Variants in CCDC141 observed in about 807,000 individuals in gnomAD.
CCDC141 encodes the protein coiled-coil domain-containing protein 141.
A neutral mutation model predicts 181.0 loss-of-function variants in CCDC141; 168 were observed. The observed-to-expected ratio is 0.93, with a 90% confidence interval of 0.82 to 1.05. The LOEUF (loss-of-function observed/expected upper bound fraction) is 1.05, where lower values mean the gene tolerates loss of function less well. Ranked by LOEUF, CCDC141 falls within the 50% of genes least tolerant of loss-of-function variation. CCDC141 has a pLI of 0.00. For missense variants in CCDC141, 1,902 were observed against 1,788.5 expected (o/e 1.06, Z -1.14); for synonymous variants, 666 against 642.3 (o/e 1.04, Z -0.56).
Position 178,829,775 on chromosome 2 carries a change from T to C in CCDC141, c.*4398A>G, listed in dbSNP as rs1321825760. On this transcript the variant is annotated 3_prime_UTR_variant, in exon 24 of 24. Coordinates refer to ENST00000443758, the MANE Select transcript of CCDC141 (RefSeq NM_173648.4). ...CAGAGCATACTGGAAGGAGATATTT[T>C]ATTTTGTTTCAACTAACTTATTTCA... The C allele has an allele frequency of 6.6e-6, 1 of 152,272 alleles. No homozygotes were observed. Among genetic ancestry groups the C allele is most frequent in the African/African-American group, 2.4e-5 (1 of 41,474 alleles). The allele number at this position is 152,272 out of a possible 1,614,324, so 9.4% of individuals were successfully genotyped here.
chr2:178,824,292 T>C, the CCDC141 span, among the ~76,000 whole-genome samples: 1 of 152,092 alleles, frequency 6.6e-6, no homozygotes, highest in African/African-American at 2.4e-5. Flanking sequence ...TTGCCTACAA[T>C]GGATTAGAGT....
intron 17 of CCDC141, among the ~76,000 whole-genome samples, chr2:178,862,178 T>G (rs1685649102): frequency 6.6e-6 from 1 of 152,258 alleles, no homozygotes; most frequent in African/African-American, 2.4e-5. Context: ...ATGTGACCGA[T>G]ACATGGAACA....
At chr2:179,015,630 A>ATATGTATCT (rs2042494193) in intron 2 of CCDC141, among the ~76,000 whole-genome samples, 3 of 86,980 alleles carry the variant, frequency 3.4e-5, no homozygotes, top group African/African-American at 1.0e-4. Flanking sequence ...TATATATCTC[A>ATATGTATCT]CATATATCTC....
At chr2:178,886,687 A>G (rs1686901898) in intron 10 of CCDC141, 65 bp downstream of exon 10, 7 of 1,073,536 alleles carry the variant, frequency 6.5e-6, no homozygotes, top group African/African-American at 5.0e-5. Context: ...GTTTATAGCT[A>G]TCAAATATTT....
intron 6 of CCDC141, among the ~76,000 whole-genome samples, chr2:178,942,920 C>T (rs139684586): frequency 1.4e-3 from 211 of 152,218 alleles, no homozygotes; most frequent in African/African-American, 4.5e-3. Context: ...TGTTTATGGA[C>T]ATCAGAGGTT....
intron 7 of CCDC141, among the ~76,000 whole-genome samples, chr2:178,918,341 G>A (rs574091290): frequency 2.0e-5 from 3 of 152,160 alleles, no homozygotes; most frequent in Non-Finnish European, 2.9e-5. Flanking sequence ...CCAGGAGGTC[G>A]AGGCTGCAGT....
intron 12 of CCDC141, chr2:178,877,403 G>C (rs1016875227): frequency 4.6e-5 from 7 of 152,210 alleles, no homozygotes; most frequent in Admixed American, 2.0e-4. Flanking sequence ...GAAAATACTT[G>C]AGGTATTGAA....
chr2:178,902,581 C>A (rs1687753398), intron 8 of CCDC141, among the ~76,000 whole-genome samples: 1 of 152,130 alleles, frequency 6.6e-6, no homozygotes, highest in African/African-American at 2.4e-5. Context: ...GGATCCCCTC[C>A]TTACACCTTA....
chr2:178,847,219 C>G (rs917127192), intron 21 of CCDC141, among the ~76,000 whole-genome samples: 3 of 152,180 alleles, frequency 2.0e-5, no homozygotes, highest in Non-Finnish European at 4.4e-5. Context: ...AAAACTCTTT[C>G]TGGAGTACCT....
rs781737566 is a variant in CCDC141, at chr2:178,837,035, G to A, written c.4184C>T (p.Thr1395Ile). 6 of 1,614,034 alleles carry A rather than the reference G, an allele frequency of 3.7e-6. No homozygotes were observed. Among genetic ancestry groups the A allele is most frequent in the Non-Finnish European group, 5.1e-6 (6 of 1,179,962 alleles). Reference protein sequence around the residue: ...QMVPREEIKSTSAKSSVVSLA... With the variant: ...QMVPREEIKSISAKSSVVSLA... ...GCTGACCACGCTGCTCTTTGCTGAT[G>A]TGCTTTTAATCTCTTCTCGAGGAAC... Residue 1395 changes from threonine (T) to isoleucine (I), a missense_variant, in exon 23 of 24, where the codon ACA becomes ATA. Coordinates refer to ENST00000443758, the MANE Select transcript of CCDC141 (RefSeq NM_173648.4).
chr2:178,863,394 CATGT>C (rs1685703859), intron 17 of CCDC141, among the ~76,000 whole-genome samples: 1 of 152,160 alleles, frequency 6.6e-6, no homozygotes, highest in Admixed American at 6.5e-5. Flanking sequence ...AGTCCTCTGG[CATGT>C]TATCTAATTT....
chr2:178,929,715 T>C (rs965877928), intron 6 of CCDC141, among the ~76,000 whole-genome samples: 2 of 152,138 alleles, frequency 1.3e-5, no homozygotes, highest in East Asian at 3.8e-4. Flanking sequence ...TTCTGAGTTT[T>C]AACAATGACC....
intron 8 of CCDC141, among the ~76,000 whole-genome samples, chr2:178,894,607 C>A (rs1687320772): frequency 6.6e-6 from 1 of 151,410 alleles, no homozygotes; most frequent in African/African-American, 2.4e-5. Context: ...AATTAGAAAT[C>A]ACAGAAATGA....
intron 20 of CCDC141, among the ~76,000 whole-genome samples, chr2:178,851,511 C>G (rs1008064802): frequency 6.6e-6 from 1 of 152,024 alleles, no homozygotes; most frequent in Non-Finnish European, 1.5e-5. Context: ...GGAGAGACAC[C>G]AGGGGCATGT....
At chr2:178,867,253 AAG>A (rs1158706219) in intron 16 of CCDC141, among the ~76,000 whole-genome samples, 1 of 152,202 alleles carries the variant, frequency 6.6e-6, no homozygotes, top group African/African-American at 2.4e-5. Flanking sequence ...GATGAACTCT[AAG>A]ATCTAGATGG....
intron 2 of CCDC141, among the ~76,000 whole-genome samples, chr2:178,997,393 A>G (rs188823925): frequency 1.3e-5 from 2 of 152,124 alleles, no homozygotes; most frequent in Admixed American, 1.3e-4. Context: ...CTCTTCCCCT[A>G]AGGAGCAGTA....
chr2:178,971,151 T>C (rs1690867493), intron 4 of CCDC141, among the ~76,000 whole-genome samples: 1 of 152,098 alleles, frequency 6.6e-6, no homozygotes, highest in South Asian at 2.1e-4. Context: ...GAGGTCGCAG[T>C]GATCTGAGAT....
chr2:178,845,549 T>G, intron 22 of CCDC141, 77 bp downstream of exon 22: 1 of 805,978 alleles, frequency 1.2e-6, no homozygotes, highest in Non-Finnish European at 2.1e-6. Context: ...TGCAATTCAC[T>G]TTTATTTTGC....
At chr2:179,002,453 G>A (rs1247087534) in intron 2 of CCDC141, 3 of 395,092 alleles carry the variant, frequency 7.6e-6, no homozygotes, top group Admixed American at 2.9e-5. Flanking sequence ...ATCACTTGGG[G>A]CCCAAAAGAG....
Sources: gnomAD v4.1 joint callset for allele counts (sites outside exome capture counted in the v4.1 genomes callset) on GRCh38, gnomAD v4.1.1 for gene constraint, MANE v1.5 for transcripts, NCBI Gene and HGNC (gene_info 2026-07-23, HGNC 2026-07-21) for gene names.